RALA: variants seen among roughly 807,000 people sequenced by gnomAD.
The protein encoded by RALA is ras-related protein Ral-A.
RALA carries 5 observed loss-of-function variants against 24.0 expected under a neutral mutation model. The observed-to-expected ratio is 0.21, with a 90% CI of 0.11 to 0.44. The LOEUF (loss-of-function observed/expected upper bound fraction) is 0.44. RALA is among the 20% of genes least tolerant of loss of function. The probability of loss-of-function intolerance (pLI) is 0.99; values close to 1 mark genes in which losing one functional copy is unlikely to be tolerated. For synonymous variants in RALA, 77 were observed against 83.8 expected, an observed-to-expected ratio of 0.92 and a Z score of 0.44; for missense variants, 95 against 241.2, an observed-to-expected ratio of 0.39 and a Z score of 4.01.
At chr7:39,635,738 A>G (rs550432076) in intron 1 of RALA, among the ~76,000 whole-genome samples, 2 of 152,210 alleles carry the variant, frequency 1.3e-5, no homozygotes, top group Non-Finnish European at 2.9e-5. Flanking sequence ...CACAGTTCAC[A>G]ATAAGGTTTG....
chr7:39,632,748 G>A (rs1338866488), intron 1 of RALA, among the ~76,000 whole-genome samples: 1 of 152,088 alleles, frequency 6.6e-6, no homozygotes, highest in Non-Finnish European at 1.5e-5. Context: ...GCCCAGGAGG[G>A]GAGGCTTCAA....
chr7:39,675,512 G>A (rs1792468387), intron 1 of RALA, among the ~76,000 whole-genome samples: 1 of 152,038 alleles, frequency 6.6e-6, no homozygotes, highest in Admixed American at 6.5e-5. Flanking sequence ...CGGGAGGATC[G>A]CTCGAGCCCA....
At chr7:39,666,552 A>T (rs1345484475) in intron 1 of RALA, among the ~76,000 whole-genome samples, 1 of 152,246 alleles carries the variant, frequency 6.6e-6, no homozygotes, top group Non-Finnish European at 1.5e-5. Context: ...TTAAAAAGTG[A>T]CATTCGCAAT....
rs1793115694 is a variant in RALA, at chr7:39,706,023, T to C, written c.499-100T>C. On this transcript the variant is annotated intron_variant, in intron 4 of 4. Transcript: ENST00000005257. ...ACTCCCAAACAAGAGCTCTTAAATA[T>C]TTATACTTCTGTTACCCCCAAAGTT... is the stretch of plus-strand genomic sequence containing the variant. The C allele has an allele frequency of 7.4e-6, 8 of 1,080,042 alleles. No individual in the cohort carries two copies. In the South Asian group the frequency reaches 1.3e-4, roughly 18 times the overall value. 66.9% of individuals were successfully genotyped at this position (1,080,042 alleles called of 1,614,324 possible). A position where few individuals can be genotyped will look rare whatever the true frequency, so the allele number is the denominator to read the frequency against.
chr7:39,691,354 C>G (rs1011387516), intron 3 of RALA, among the ~76,000 whole-genome samples: 12 of 151,990 alleles, frequency 7.9e-5, no homozygotes, highest in Admixed American at 7.9e-4. Flanking sequence ...AAGTGTCTTA[C>G]TTGATTATGG....
At chr7:39,664,229 C>T (rs532303943) in intron 1 of RALA, among the ~76,000 whole-genome samples, 29 of 152,256 alleles carry the variant, frequency 1.9e-4, no homozygotes, top group South Asian at 8.3e-4. Context: ...ATCAGGGCTG[C>T]CCTTATCTGT....
At chr7:39,702,377 C>T (rs1793044941) in intron 4 of RALA, among the ~76,000 whole-genome samples, 1 of 152,150 alleles carries the variant, frequency 6.6e-6, no homozygotes, top group Non-Finnish European at 1.5e-5. Flanking sequence ...TATATATACA[C>T]ACACGTAATA....
At chr7:39,683,636 C>T (rs889940899) in intron 1 of RALA, among the ~76,000 whole-genome samples, 2 of 152,092 alleles carry the variant, frequency 1.3e-5, no homozygotes. Context: ...GTAGTTTTTC[C>T]TTGGCAGAAG....
intron 1 of RALA, among the ~76,000 whole-genome samples, chr7:39,640,936 A>T (rs1480615137): frequency 6.6e-6 from 1 of 152,106 alleles, no homozygotes; most frequent in South Asian, 2.1e-4. Context: ...TTACTGGCAG[A>T]TTCTCTTCAT....
intron 3 of RALA, among the ~76,000 whole-genome samples, chr7:39,691,290 A>G (rs1792814245): frequency 6.6e-6 from 1 of 152,216 alleles, no homozygotes; most frequent in East Asian, 1.9e-4. Flanking sequence ...CAAATACTAC[A>G]TGCATAAATC....
intron 3 of RALA, among the ~76,000 whole-genome samples, chr7:39,693,316 G>A (rs554177957): frequency 2.6e-5 from 4 of 152,246 alleles, no homozygotes; most frequent in African/African-American, 9.6e-5. Flanking sequence ...ACTGTCACAA[G>A]GACAGAAAAC....
chr7:39,685,810 A>G (rs924920670), intron 1 of RALA, among the ~76,000 whole-genome samples: 1 of 152,174 alleles, frequency 6.6e-6, no homozygotes, highest in Admixed American at 6.5e-5. Context: ...CTTCTTCTAT[A>G]AAATAGCAGT....
rs181683705 is a variant in RALA, at chr7:39,707,812, G to A, written c.*1567G>A. The A allele has an allele frequency of 3.5e-4, 53 of 152,760 alleles. No individual in the cohort carries two copies. Among genetic ancestry groups the A allele is most frequent in the Admixed American group, 2.4e-3 (37 of 15,300 alleles). The allele number at this position is 152,760 out of a possible 1,614,324, so 9.5% of individuals were successfully genotyped here. A position where few individuals can be genotyped will look rare whatever the true frequency, so the allele number is the denominator to read the frequency against. On this transcript the variant is annotated 3_prime_UTR_variant, in exon 5 of 5. Transcript: ENST00000005257. ...CTCATGTTAAATATTTGTCCTTAAA[G>A]GGTTTGAGATGTACATCTTTCATTT...
intron 1 of RALA, among the ~76,000 whole-genome samples, chr7:39,629,724 T>G (rs1291012754): frequency 6.6e-6 from 1 of 152,068 alleles, no homozygotes; most frequent in Non-Finnish European, 1.5e-5. Flanking sequence ...GCCTCCCGAG[T>G]AGCTGGGACT....
chr7:39,705,031 A>G (rs902955434), intron 4 of RALA, among the ~76,000 whole-genome samples: 1 of 152,172 alleles, frequency 6.6e-6, no homozygotes, highest in Non-Finnish European at 1.5e-5. Flanking sequence ...AAATTCTATA[A>G]CAAGATACAC....
chr7:39,694,531 G>A (rs766129164), intron 3 of RALA, among the ~76,000 whole-genome samples: 1 of 152,078 alleles, frequency 6.6e-6, no homozygotes, highest in Non-Finnish European at 1.5e-5. Context: ...TGTAGGACAA[G>A]AATAATAATG....
intron 1 of RALA, among the ~76,000 whole-genome samples, chr7:39,644,910 A>G (rs1407777297): frequency 2.0e-5 from 3 of 152,232 alleles, no homozygotes; most frequent in African/African-American, 7.2e-5. Flanking sequence ...AATTTTAGGT[A>G]CTTCATTTTA....
intron 3 of RALA, among the ~76,000 whole-genome samples, chr7:39,692,794 T>C (rs1792845975): frequency 6.6e-6 from 1 of 152,174 alleles, no homozygotes; most frequent in South Asian, 2.1e-4. Flanking sequence ...TACACACATA[T>C]GACCAGAGGT....
intron 1 of RALA, among the ~76,000 whole-genome samples, chr7:39,674,047 AAATAAATAAAT>A (rs760572316): frequency 0.11 from 15,514 of 147,332 alleles, 1,040 homozygotes; most frequent in Non-Finnish European, 0.14. Flanking sequence ...CACTGTAAAT[AAATAAATAAAT>A]AAATAAATAA....
Sources: gnomAD v4.1 joint callset for allele counts (sites outside exome capture counted in the v4.1 genomes callset) on GRCh38, gnomAD v4.1.1 for gene constraint, MANE v1.5 for transcripts, NCBI Gene and HGNC (gene_info 2026-07-23, HGNC 2026-07-21) for gene names.